Variants in NAALADL2 observed in about 807,000 individuals in gnomAD.
NAALADL2 encodes the protein N-acetylated alpha-linked acidic dipeptidase like 2.
NAALADL2 carries 76 observed loss-of-function variants against 87.2 expected under a neutral mutation model. The observed-to-expected ratio is 0.87, with a 90% CI of 0.72 to 1.05. The LOEUF (loss-of-function observed/expected upper bound fraction) is 1.05. NAALADL2 is among the 50% of genes least tolerant of loss of function. The pLI, the probability that NAALADL2 is intolerant of heterozygous loss-of-function variation, is 0.00. For synonymous variants in NAALADL2, 354 were observed against 331.0 expected, an observed-to-expected ratio of 1.07 and a Z score of -0.75; for missense variants, 1,089 against 945.8, an observed-to-expected ratio of 1.15 and a Z score of -1.99.
intron 11 of NAALADL2, among the ~76,000 whole-genome samples, chr3:175,734,662 CT>C (rs1744258050): frequency 6.6e-6 from 1 of 152,204 alleles, no homozygotes; most frequent in African/African-American, 2.4e-5. Context: ...AGACTTGGGG[CT>C]TCCACCCTCT....
rs573058214 is a variant in NAALADL2, at chr3:175,276,361, G to C, written c.939+19831G>C. On this transcript the variant is annotated intron_variant, in intron 4 of 13. Coordinates refer to ENST00000454872, the MANE Select transcript of NAALADL2 (RefSeq NM_207015.3). ...TGCTGCTAGACTGGAGTGCAGCAGC[G>C]TGATCTCAGCTCACTGCAACCTCCA... Among the ~76,000 whole-genome samples, 103 of 148,514 alleles carry C rather than the reference G, an allele frequency of 6.9e-4. 1 individual carries two copies. The highest frequency in any genetic ancestry group is 1.1e-3 in the Non-Finnish European group (74 of 67,600).
chr3:174,735,658 C>T (rs1313539492), intron 2 of NAALADL2, among the ~76,000 whole-genome samples: 2 of 152,176 alleles, frequency 1.3e-5, no homozygotes, highest in Non-Finnish European at 2.9e-5. Flanking sequence ...CTCACAGGCT[C>T]AAGTGATCCT....
At chr3:174,880,595 C>G (rs958934526) in intron 1 of NAALADL2, among the ~76,000 whole-genome samples, 12 of 152,072 alleles carry the variant, frequency 7.9e-5, no homozygotes, top group African/African-American at 2.4e-4. Flanking sequence ...CATCTTAGAA[C>G]ATGACTGAGG....
chr3:174,508,832 T>A (rs963280104), intron 1 of NAALADL2, among the ~76,000 whole-genome samples: 6 of 152,162 alleles, frequency 3.9e-5, no homozygotes, highest in African/African-American at 1.4e-4. Context: ...CGGATGTCTT[T>A]GAGCTCCCGA....
chr3:175,380,607 G>A (rs533852750), intron 5 of NAALADL2, among the ~76,000 whole-genome samples: 1 of 152,192 alleles, frequency 6.6e-6, no homozygotes, highest in African/African-American at 2.4e-5. Flanking sequence ...TTTTTCATAG[G>A]TAAGCCCATA....
Position 174,898,852 on chromosome 3 carries a change from A to G in NAALADL2, c.43+39402A>G, listed in dbSNP as rs534611819. On this transcript the variant is annotated intron_variant, in intron 1 of 13. Transcript: ENST00000454872. Reference sequence around the variant, plus strand: ...AGGAAAGTATCTTTGTGGAGGAAGAAGTAGTGATTAAGAGAGCACAGAGGA... The same window carrying G: ...AGGAAAGTATCTTTGTGGAGGAAGAGGTAGTGATTAAGAGAGCACAGAGGA... Among the ~76,000 whole-genome samples the G allele has an allele frequency of 6.9e-4, 105 of 152,294 alleles. 2 individuals carry two copies. In the South Asian group the frequency reaches 0.021, roughly 30 times the overall value.
At chr3:175,788,088 GTTTTTTTTT>G (rs1004422588) in intron 13 of NAALADL2, among the ~76,000 whole-genome samples, 1 of 104,260 alleles carries the variant, frequency 9.6e-6, no homozygotes, top group African/African-American at 3.7e-5. Context: ...TTTTTTACCT[GTTTTTTTTT>G]TTTTTTTTTT....
At chr3:175,026,199 T>C (rs1752198606) in intron 1 of NAALADL2, among the ~76,000 whole-genome samples, 1 of 152,072 alleles carries the variant, frequency 6.6e-6, no homozygotes, top group Admixed American at 6.6e-5. Context: ...ATGGATTTAA[T>C]AGGTTTATAA....
At chr3:174,770,666 C>A (rs535170449) in intron 3 of NAALADL2, among the ~76,000 whole-genome samples, 1 of 151,878 alleles carries the variant, frequency 6.6e-6, no homozygotes, top group Non-Finnish European at 1.5e-5. Flanking sequence ...CGGTGAAAAC[C>A]CGTCTCTACT....
At chr3:174,902,347 A>G (rs1470233304) in intron 1 of NAALADL2, among the ~76,000 whole-genome samples, 2 of 152,150 alleles carry the variant, frequency 1.3e-5, no homozygotes, top group African/African-American at 4.8e-5. Flanking sequence ...GAAATAATGT[A>G]TGTAAAGTAC....
chr3:174,884,060 T>C (rs1428727585), intron 1 of NAALADL2, among the ~76,000 whole-genome samples: 1 of 152,146 alleles, frequency 6.6e-6, no homozygotes, highest in Non-Finnish European at 1.5e-5. Flanking sequence ...CAGGTGGCAA[T>C]GTTAACTTCC....
At chr3:175,253,698 C>A (rs1359835573) in intron 3 of NAALADL2, among the ~76,000 whole-genome samples, 2 of 152,132 alleles carry the variant, frequency 1.3e-5, no homozygotes, top group African/African-American at 2.4e-5. Context: ...ATGCCATTAG[C>A]CACATTTGTG....
chr3:175,380,243 C>T (rs898582477), intron 5 of NAALADL2, among the ~76,000 whole-genome samples: 16 of 152,022 alleles, frequency 1.1e-4, no homozygotes, highest in African/African-American at 3.4e-4. Context: ...ATACTGACAT[C>T]CATGTCCCCT....
rs775784729 is a variant in NAALADL2 at position 175,324,224 on chromosome 3, A to G, written c.989A>G (p.Asp330Gly). ...TTTGGAGGTGTTCTTCTGTATATCG[A>G]TCCTTGTGATTTGCCAAAGACTGTG... is the stretch of plus-strand genomic sequence containing the variant. Reference protein sequence around the residue: ...AGFGGVLLYIDPCDLPKTVNP... With the variant: ...AGFGGVLLYIGPCDLPKTVNP... The change falls in exon 5 of 14, where the codon GAT (aspartate) becomes GGT (glycine). Residue 330 changes from aspartate (D) to glycine (G), a missense_variant. Asp to Gly is a moderately conservative substitution (Grantham distance 94, BLOSUM62 -1). Coordinates refer to ENST00000454872, the MANE Select transcript of NAALADL2 (RefSeq NM_207015.3). 1.2e-6 allele frequency: 2 copies of G among 1,613,534 alleles called. No homozygotes were observed. Among genetic ancestry groups the G allele is most frequent in the South Asian group, 2.2e-5 (2 of 91,062 alleles).
intron 5 of NAALADL2, among the ~76,000 whole-genome samples, chr3:175,330,763 A>G (rs572736455): frequency 1.3e-5 from 2 of 152,284 alleles, no homozygotes; most frequent in South Asian, 4.1e-4. Context: ...AAGCAAGAAT[A>G]AGCCAAACCC....
At chr3:175,766,087 C>T (rs1559987871) in intron 13 of NAALADL2, among the ~76,000 whole-genome samples, 1 of 152,042 alleles carries the variant, frequency 6.6e-6, no homozygotes, top group Non-Finnish European at 1.5e-5. Flanking sequence ...TTTCACATTT[C>T]AGAGTTACAT....
intron 13 of NAALADL2, among the ~76,000 whole-genome samples, chr3:175,799,286 TC>T (rs1753857116): frequency 6.6e-6 from 1 of 152,108 alleles, no homozygotes; most frequent in Non-Finnish European, 1.5e-5. Context: ...AGTAGTTTAT[TC>T]TTTTAGTAAA....
chr3:175,755,559 C>T (rs942780361), intron 13 of NAALADL2, 141 bp downstream of exon 13: 18 of 532,172 alleles, frequency 3.4e-5, no homozygotes, highest in Non-Finnish European at 5.1e-5. Flanking sequence ...GAACTTCCCC[C>T]TCCCCCAAAG....
At chr3:175,199,866 T>A (rs4102620) in intron 2 of NAALADL2, among the ~76,000 whole-genome samples, 324 of 9,778 alleles carry the variant, frequency 0.033, 1 homozygote, top group East Asian at 0.069. Flanking sequence ...ATATATATAT[T>A]TTTTTTTTTT....
Sources: gnomAD v4.1 joint callset for allele counts (sites outside exome capture counted in the v4.1 genomes callset) on GRCh38, gnomAD v4.1.1 for gene constraint, MANE v1.5 for transcripts, NCBI Gene and HGNC (gene_info 2026-07-23, HGNC 2026-07-21) for gene names.